Variants in CDC5L observed in about 807,000 individuals in gnomAD.
The protein encoded by CDC5L is cell division cycle 5-like protein.
CDC5L carries 18 observed loss-of-function variants against 104.1 expected under a neutral mutation model. That is an observed-to-expected ratio of 0.17 (90% CI 0.12 to 0.26). CDC5L has a LOEUF of 0.26. CDC5L is among the 10% of genes least tolerant of loss of function. CDC5L has a pLI of 1.00. For missense variants in CDC5L, 673 were observed against 956.9 expected, an observed-to-expected ratio of 0.70 and a Z score of 3.91; for synonymous variants, 331 against 322.7, an observed-to-expected ratio of 1.03 and a Z score of -0.28.
chr6:44,401,559 G>T (rs1791126045), intron 5 of CDC5L, among the ~76,000 whole-genome samples: 1 of 152,162 alleles, frequency 6.6e-6, no homozygotes, highest in South Asian at 2.1e-4. Context: ...GGCTGCACTT[G>T]TGTGGAGTGG....
Position 44,438,209 on chromosome 6 carries a change from A to C in CDC5L, c.2092-7446A>C, listed in dbSNP as rs185226221. ...GCGATCCACCTGCCTTGGCCTCCCA[A>C]AGTGCTAGGATTACAGGTGTGAACC... On this transcript the variant is annotated intron_variant, in intron 14 of 15. Transcript: ENST00000371477. Among the ~76,000 whole-genome samples, 52 of 152,304 alleles carry C rather than the reference A, an allele frequency of 3.4e-4. No homozygotes were observed. The East Asian group carries it at 9.8e-3, about 29-fold the overall frequency.
intron 13 of CDC5L, 115 bp from the exon 14 acceptor site, chr6:44,429,598 A>C (rs1246776837): frequency 1.2e-6 from 1 of 841,408 alleles, no homozygotes; most frequent in African/African-American, 1.7e-5. Flanking sequence ...AAAAACAACC[A>C]ACCACATCTT....
chr6:44,440,476 C>G (rs1793132013), intron 14 of CDC5L, among the ~76,000 whole-genome samples: 1 of 151,978 alleles, frequency 6.6e-6, no homozygotes, highest in Non-Finnish European at 1.5e-5. Flanking sequence ...CTCCTGACCT[C>G]AGGTGATCTG....
chr6:44,415,285 G>C (rs915128722), intron 8 of CDC5L, among the ~76,000 whole-genome samples: 5 of 152,154 alleles, frequency 3.3e-5, no homozygotes, highest in African/African-American at 1.2e-4. Flanking sequence ...TTTTGAAAAA[G>C]CACAAAACAG....
In CDC5L at chr6:44,406,463, C is replaced by A; in HGVS notation, c.899C>A (p.Pro300His). ...AGAAGCAAACTAGTACTTCCTGCCC[C>A]TCAGGTAATCTGATAAAAGCAAATT... ...KKRSKLVLPA[P>H]QISDAELQEV... Residue 300 changes from proline to histidine, a missense_variant, in exon 7 of 16, where the codon CCT becomes CAT. Transcript: ENST00000371477. 6.2e-7 allele frequency: 1 copy of A among 1,602,016 alleles called. No homozygotes were observed.
rs1320436865 is a variant in CDC5L at position 44,447,620 on chromosome 6, A to G, written c.*909A>G. The G allele has an allele frequency of 6.6e-6, 1 of 152,220 alleles. No homozygotes were observed. The highest frequency in any genetic ancestry group is 1.5e-5 in the Non-Finnish European group (1 of 68,046). 9.4% of individuals were successfully genotyped at this position (152,220 alleles called of 1,614,324 possible). On this transcript the variant is annotated 3_prime_UTR_variant, in exon 16 of 16. Coordinates refer to ENST00000371477, the MANE Select transcript of CDC5L (RefSeq NM_001253.4). ...CCAAAAACGTTTGCCCAGTCTTAGA[A>G]TACTAGGGACTATAGGAAGGGAAGG...
At chr6:44,401,678 A>G (rs1040342637) in intron 5 of CDC5L, among the ~76,000 whole-genome samples, 1 of 151,432 alleles carries the variant, frequency 6.6e-6, no homozygotes, top group African/African-American at 2.4e-5. Flanking sequence ...TTATACTTTA[A>G]GTTTTAGGGT....
At chr6:44,430,573 A>G (rs1474587615) in intron 14 of CDC5L, among the ~76,000 whole-genome samples, 1 of 146,296 alleles carries the variant, frequency 6.8e-6, no homozygotes, top group African/African-American at 2.5e-5. Context: ...TGCCTTGTGC[A>G]TTCTTTTTTT....
chr6:44,440,452 AG>A (rs140540070), intron 14 of CDC5L, among the ~76,000 whole-genome samples: 14,716 of 151,996 alleles, frequency 0.097, 995 homozygotes, highest in Admixed American at 0.2. Context: ...CATGTTGGCC[AG>A]GCTGGTCTCG....
At chr6:44,446,229 C>T (rs958382202) in intron 15 of CDC5L, among the ~76,000 whole-genome samples, 2 of 152,294 alleles carry the variant, frequency 1.3e-5, no homozygotes, top group East Asian at 3.9e-4. Flanking sequence ...CCTTATGTTG[C>T]TGGGAACATA....
intron 5 of CDC5L, among the ~76,000 whole-genome samples, chr6:44,399,540 C>T (rs1449293805): frequency 6.6e-6 from 1 of 152,108 alleles, no homozygotes; most frequent in Non-Finnish European, 1.5e-5. Flanking sequence ...CATTCTTTTT[C>T]TCTGTTTAGA....
intron 8 of CDC5L, among the ~76,000 whole-genome samples, chr6:44,414,423 TG>T (rs1561973312): frequency 1.0e-4 from 15 of 149,698 alleles, no homozygotes; most frequent in Admixed American, 8.7e-4. Flanking sequence ...TGTGTGTGTG[TG>T]TGTGTGTATT....
intron 5 of CDC5L, among the ~76,000 whole-genome samples, chr6:44,397,182 C>G (rs1790909564): frequency 6.6e-6 from 1 of 152,216 alleles, no homozygotes; most frequent in Non-Finnish European, 1.5e-5. Context: ...TGACTGCCAG[C>G]TATCAGTCAA....
At chr6:44,387,987 CGGGGG>C in intron 1 of CDC5L, 119 bp downstream of exon 1, 1 of 881,122 alleles carries the variant, frequency 1.1e-6, no homozygotes, top group Non-Finnish European at 1.8e-6. Context: ...GAGGGCAGCC[CGGGGG>C]CTGACCCTTG....
chr6:44,404,239 G>A (rs1282200991), intron 6 of CDC5L, among the ~76,000 whole-genome samples: 1 of 151,908 alleles, frequency 6.6e-6, no homozygotes, highest in Non-Finnish European at 1.5e-5. Context: ...TGACCTCCTG[G>A]GCTCAAGCAA....
chr6:44,409,982 G>A (rs887132185), intron 8 of CDC5L, among the ~76,000 whole-genome samples: 4 of 150,974 alleles, frequency 2.6e-5, no homozygotes, highest in African/African-American at 7.3e-5. Context: ...TATTTATGGT[G>A]TACAGTATGA....
intron 14 of CDC5L, among the ~76,000 whole-genome samples, chr6:44,435,125 T>A (rs968362563): frequency 1.2e-4 from 18 of 149,456 alleles, no homozygotes; most frequent in Non-Finnish European, 2.2e-4. Flanking sequence ...TTTTTTTTTT[T>A]AAATGTTTGG....
intron 2 of CDC5L, among the ~76,000 whole-genome samples, chr6:44,392,380 C>T (rs938752661): frequency 1.3e-5 from 2 of 151,886 alleles, no homozygotes; most frequent in East Asian, 3.8e-4. Context: ...TCTAGAAAAG[C>T]GTAAATAAAT....
rs1407485103 is a variant in CDC5L at position 44,407,384 on chromosome 6, T to C, written c.903+917T>C. ...GCTCTGTCGCCAGGCTGGAGTACCG[T>C]GGTGCCATCTAGGCTCACTGCAACC... On this transcript the variant is annotated intron_variant, in intron 7 of 15. Coordinates refer to ENST00000371477, the MANE Select transcript of CDC5L (RefSeq NM_001253.4). Among the ~76,000 whole-genome samples the C allele has an allele frequency of 4.6e-5, 7 of 151,928 alleles. No homozygotes were observed. In the East Asian group the frequency reaches 1.4e-3, roughly 29 times the overall value.
Sources: allele counts gnomAD v4.1 joint callset (sites outside exome capture counted in the v4.1 genomes callset), GRCh38; gene constraint gnomAD v4.1.1; transcripts MANE v1.5; gene names NCBI Gene and HGNC (gene_info 2026-07-23, HGNC 2026-07-21).